Variants in SCHIP1 observed in about 807,000 individuals in gnomAD.
SCHIP1 encodes schwannomin-interacting protein 1.
Under a neutral mutation model 29.7 loss-of-function variants are expected in SCHIP1, and 8 were observed. The ratio of observed to expected loss-of-function variants is 0.27; its 90% confidence interval spans 0.16 to 0.49. The LOEUF (loss-of-function observed/expected upper bound fraction) is 0.49, where lower values mean the gene tolerates loss of function less well. Among genes scored for constraint, SCHIP1 ranks in the 20% least tolerant of loss-of-function variants. SCHIP1 has a pLI of 0.99. For synonymous variants in SCHIP1, 76 were observed against 94.9 expected (o/e 0.80, Z 1.16); for missense variants, 193 against 294.6 (o/e 0.66, Z 2.52).
chr3:159,637,006 C>T, the SCHIP1 span, among the ~76,000 whole-genome samples: 4 of 152,106 alleles, frequency 2.6e-5, no homozygotes, highest in African/African-American at 9.7e-5. Flanking sequence ...GGGGAGTTAA[C>T]TTATTGATAT....
chr3:159,313,911 C>T, the SCHIP1 span, among the ~76,000 whole-genome samples: 3 of 152,092 alleles, frequency 2.0e-5, no homozygotes, highest in African/African-American at 7.2e-5. Flanking sequence ...GATGTTTTCT[C>T]AGGGTTAGAC....
chr3:159,604,944 G>C, the SCHIP1 span, among the ~76,000 whole-genome samples: 1 of 152,160 alleles, frequency 6.6e-6, no homozygotes, highest in African/African-American at 2.4e-5. Context: ...ACAAGCAGCA[G>C]CTACTAATTG....
At chr3:159,584,383 A>T in the SCHIP1 span, among the ~76,000 whole-genome samples, 3 of 152,176 alleles carry the variant, frequency 2.0e-5, no homozygotes, top group African/African-American at 7.2e-5. Flanking sequence ...GTGCTATTTA[A>T]CGTTATCTTT....
the SCHIP1 span, among the ~76,000 whole-genome samples, chr3:159,642,071 A>C: frequency 1.3e-5 from 2 of 152,214 alleles, no homozygotes; most frequent in Admixed American, 6.5e-5. Context: ...GGACTCTGTG[A>C]TCAGTGATTA....
chr3:159,862,369 TC>T lies in SCHIP1; in HGVS notation c.31-3791del, dbSNP rs537719208. 2.0e-5 allele frequency among the ~76,000 whole-genome samples: 3 copies of T among 152,346 alleles called. No homozygotes were observed. The East Asian group carries it at 5.8e-4, about 29-fold the overall frequency. ...CCTAACAGTATGGTAACCTTTCATC[TC>T]CCTCAGTTTCCTCATATTCAAAGCA... is the stretch of plus-strand genomic sequence containing the variant. On this transcript the variant is annotated intron_variant, in intron 1 of 6. Transcript: ENST00000445224.
chr3:159,611,215 C>A, the SCHIP1 span, among the ~76,000 whole-genome samples: 4 of 152,212 alleles, frequency 2.6e-5, no homozygotes, highest in East Asian at 7.8e-4. Context: ...ACTCCTTTAG[C>A]ACAGTCAAGT....
the SCHIP1 span, among the ~76,000 whole-genome samples, chr3:159,754,112 C>G: frequency 1.3e-5 from 2 of 152,170 alleles, no homozygotes; most frequent in Admixed American, 6.5e-5. Flanking sequence ...CCACTTTATC[C>G]CTCAGTGCCT....
chr3:159,663,874 AT>A, the SCHIP1 span, among the ~76,000 whole-genome samples: 1 of 152,196 alleles, frequency 6.6e-6, no homozygotes, highest in Non-Finnish European at 1.5e-5. Flanking sequence ...GCACATCAAA[AT>A]TGTTCATTTC....
At chr3:159,886,237 C>T in exon 3 of SCHIP1, 1 of 1,614,174 alleles carries the variant, frequency 6.2e-7, no homozygotes, top group Non-Finnish European at 8.5e-7. Context: ...TGCAGATATG[C>T]TTTGTCAACG....
chr3:159,431,032 C>T, the SCHIP1 span, among the ~76,000 whole-genome samples: 1 of 152,146 alleles, frequency 6.6e-6, no homozygotes, highest in African/African-American at 2.4e-5. Context: ...ACCTTCAATA[C>T]CAGTTTGAGG....
chr3:159,859,978 T>G (rs1333992221), intron 1 of SCHIP1, among the ~76,000 whole-genome samples: 1 of 131,934 alleles, frequency 7.6e-6, no homozygotes. Context: ...TGTGACAGGG[T>G]GTGTGTGTGT....
the SCHIP1 span, among the ~76,000 whole-genome samples, chr3:159,602,976 G>C: frequency 0.2 from 31,161 of 152,062 alleles, 8,695 homozygotes; most frequent in African/African-American, 0.63. Context: ...AGGGCTCAAT[G>C]CCATAAGATT....
the SCHIP1 span, among the ~76,000 whole-genome samples, chr3:159,564,122 G>T: frequency 6.6e-6 from 1 of 152,096 alleles, no homozygotes; most frequent in Admixed American, 6.5e-5. Flanking sequence ...TCCTTTATCA[G>T]TCCCACCCTA....
the SCHIP1 span, among the ~76,000 whole-genome samples, chr3:159,315,531 C>T: frequency 6.6e-6 from 1 of 151,466 alleles, no homozygotes. Flanking sequence ...ATAGTAGTAT[C>T]ACATTGTGAC....
At chr3:159,692,769 G>A in the SCHIP1 span, among the ~76,000 whole-genome samples, 8 of 151,346 alleles carry the variant, frequency 5.3e-5, no homozygotes, top group South Asian at 2.1e-4. Flanking sequence ...GGAAAAATAC[G>A]TCCAATAATA....
the SCHIP1 span, among the ~76,000 whole-genome samples, chr3:159,712,157 G>T: frequency 1.3e-5 from 2 of 152,168 alleles, no homozygotes; most frequent in Non-Finnish European, 2.9e-5. Context: ...CAGGACTGCT[G>T]CCTTTTAAAT....
the SCHIP1 span, among the ~76,000 whole-genome samples, chr3:159,443,856 T>C: frequency 6.6e-6 from 1 of 152,146 alleles, no homozygotes; most frequent in Admixed American, 6.6e-5. Flanking sequence ...GGATTCTCTG[T>C]ATGAGTTCCA....
chr3:159,602,733 C>G, the SCHIP1 span, among the ~76,000 whole-genome samples: 89 of 151,060 alleles, frequency 5.9e-4, 1 homozygote, highest in African/African-American at 2.0e-3. Flanking sequence ...AAGAAACAAA[C>G]AAACAAAACA....
At chr3:159,284,100 A>T in the SCHIP1 span, among the ~76,000 whole-genome samples, 8 of 152,268 alleles carry the variant, frequency 5.3e-5, no homozygotes, top group South Asian at 1.2e-3. Flanking sequence ...TTGGTCTCTA[A>T]TTTCATATAG....
Sources: allele counts gnomAD v4.1 joint callset (sites outside exome capture counted in the v4.1 genomes callset), GRCh38; gene constraint gnomAD v4.1.1; transcripts MANE v1.5; gene names NCBI Gene and HGNC (gene_info 2026-07-23, HGNC 2026-07-21).